Variants in KIAA1671 observed in about 807,000 individuals in gnomAD.
The protein encoded by KIAA1671 is uncharacterized protein KIAA1671.
Under a neutral mutation model 131.2 loss-of-function variants are expected in KIAA1671, and 52 were observed. The observed-to-expected ratio is 0.40, with a 90% confidence interval of 0.32 to 0.50. The LOEUF (loss-of-function observed/expected upper bound fraction) is 0.50. Among genes scored for constraint, KIAA1671 ranks in the 20% least tolerant of loss-of-function variants. The pLI is 0.73. For synonymous variants in KIAA1671, 1,003 were observed against 961.6 expected (o/e 1.04, Z -0.80); for missense variants, 2,360 against 2,364.2 (o/e 1.00, Z 0.04).
intron 1 of KIAA1671, among the ~76,000 whole-genome samples, chr22:25,009,215 G>T (rs938206596): frequency 2.0e-4 from 22 of 110,194 alleles, no homozygotes; most frequent in Non-Finnish European, 3.5e-4. Context: ...AGGGGATGTT[G>T]TTTGGTGTTT....
intron 9 of KIAA1671, chr22:25,179,234 A>G: frequency 6.9e-7 from 1 of 1,448,854 alleles, no homozygotes; most frequent in East Asian, 2.5e-5. Flanking sequence ...AGTTGCATCT[A>G]GACAGAGGTG....
At chr22:25,032,560 G>A in intron 3 of KIAA1671, 49 bp from the exon 4 acceptor site, 1 of 1,215,152 alleles carries the variant, frequency 8.2e-7, no homozygotes, top group Non-Finnish European at 1.2e-6. Flanking sequence ...TGGGCTGGGG[G>A]GAATAACAGC....
At chr22:25,061,913 C>A (rs1384708776) in intron 6 of KIAA1671, 1 of 152,328 alleles carries the variant, frequency 6.6e-6, no homozygotes, top group Non-Finnish European at 1.5e-5. Flanking sequence ...GCACGGTTTG[C>A]TCCTTCTCCA....
At chr22:25,060,635 G>A (rs1205027867) in intron 6 of KIAA1671, 3 of 152,196 alleles carry the variant, frequency 2.0e-5, no homozygotes, top group African/African-American at 7.2e-5. Flanking sequence ...GAAACTGAGG[G>A]TTGGCAAAAC....
intron 6 of KIAA1671, among the ~76,000 whole-genome samples, chr22:25,127,957 A>G (rs894322541): frequency 5.3e-5 from 8 of 152,152 alleles, no homozygotes; most frequent in African/African-American, 1.9e-4. Flanking sequence ...GGGGTGGAGG[A>G]GGAGACAACA....
chr22:24,980,386 C>T (rs1682195551), intron 1 of KIAA1671, among the ~76,000 whole-genome samples: 1 of 151,636 alleles, frequency 6.6e-6, no homozygotes, highest in South Asian at 2.1e-4. Flanking sequence ...ATTCTCCTGC[C>T]TTAGCCTCCT....
rs190498643 is a variant in KIAA1671 at position 24,954,722 on chromosome 22, G to C, written c.-208+1950G>C. The stretch of plus-strand genomic sequence containing the variant: ...ACCCTAGGTTCAGAGGCTGGAAGCT[G>C]CCCCTACCCCCACTGGAGGTCCTAG... On this transcript the variant is annotated intron_variant, in intron 1 of 12. Transcript: ENST00000358431. Among the ~76,000 whole-genome samples the C allele has an allele frequency of 2.3e-3, 351 of 152,252 alleles. 1 individual carries two copies. Among genetic ancestry groups the C allele is most frequent in the African/African-American group, 8.1e-3 (336 of 41,542 alleles).
At position 25,049,335 on chromosome 22, in the gene KIAA1671, T is replaced by C. The variant is rs1211695037; in HGVS notation, c.4501T>C (p.Cys1501Arg). ...ASVPWRSHSF[C>R]KDRRSGPFVD... ...GGTTCCCTGGAGAAGCCACAGCTTC[T>C]GCAAAGACAGGAGGAGTGGGCCCTT... is the stretch of plus-strand genomic sequence containing the variant. Residue 1501 changes from cysteine (C) to arginine (R), a missense_variant, in exon 6 of 13, where the codon TGC (cysteine) becomes CGC (arginine). Physicochemically the swap from Cys to Arg is radical, Grantham distance 180. Coordinates refer to ENST00000358431, the MANE Select transcript of KIAA1671 (RefSeq NM_001145206.2). The C allele has an allele frequency of 1.9e-6, 3 of 1,551,468 alleles. No individual in the cohort carries two copies. Among genetic ancestry groups the C allele is most frequent in the East Asian group, 2.4e-5 (1 of 40,920 alleles).
At chr22:25,118,159 A>C (rs1931771139) in intron 6 of KIAA1671, among the ~76,000 whole-genome samples, 1 of 121,810 alleles carries the variant, frequency 8.2e-6, no homozygotes, top group African/African-American at 3.4e-5. Context: ...AAAAAAAAAA[A>C]AATGTCAGCA....
chr22:25,015,701 T>C (rs117642176), intron 1 of KIAA1671, among the ~76,000 whole-genome samples: 3,416 of 149,724 alleles, frequency 0.023, 63 homozygotes, highest in South Asian at 0.076. Flanking sequence ...TCACAGTCTT[T>C]TAATATACCA....
intron 1 of KIAA1671, among the ~76,000 whole-genome samples, chr22:24,987,205 C>T (rs895192508): frequency 5.3e-5 from 8 of 150,530 alleles, no homozygotes; most frequent in Non-Finnish European, 8.9e-5. Flanking sequence ...GAGTCTCGCC[C>T]TGTTGCCCAG....
At chr22:25,192,251 C>CT (rs1439832016) in intron 12 of KIAA1671, among the ~76,000 whole-genome samples, 155 bp from the exon 13 acceptor site, 4 of 152,076 alleles carry the variant, frequency 2.6e-5, no homozygotes, top group African/African-American at 9.7e-5. Context: ...CTCACCTCCC[C>CT]TTTCCACCCA....
rs566727198 is a variant in KIAA1671 at position 25,178,990 on chromosome 22, G to A, written c.5074+1468G>A. Among the ~76,000 whole-genome samples, 520 of 152,334 alleles carry A rather than the reference G, an allele frequency of 3.4e-3. 7 individuals carry two copies. Among genetic ancestry groups the A allele is most frequent in the Admixed American group, 0.018 (279 of 15,306 alleles). On this transcript the variant is annotated intron_variant, in intron 9 of 12. Coordinates refer to ENST00000358431, the MANE Select transcript of KIAA1671 (RefSeq NM_001145206.2). Reference sequence around the variant, plus strand: ...ACCAGACAGCCCAGCGTAAGGACCCGCGATCCCACGCCACCGCCCTGGGTT... The same window carrying A: ...ACCAGACAGCCCAGCGTAAGGACCCACGATCCCACGCCACCGCCCTGGGTT...
chr22:24,961,458 G>A (rs1022010283), intron 1 of KIAA1671, among the ~76,000 whole-genome samples: 2 of 152,204 alleles, frequency 1.3e-5, no homozygotes, highest in Non-Finnish European at 2.9e-5. Flanking sequence ...GCCTTTAACA[G>A]CAAACATTTG....
chr22:25,058,420 T>C lies in KIAA1671; in HGVS notation c.4530+9056T>C, dbSNP rs373736554. ...TTTTAATGTTACGTCCCATCCAGGA[T>C]GTAGTATCAGACTTTTCTTTGTTTT... On this transcript the variant is annotated intron_variant, in intron 6 of 12. Transcript: ENST00000358431. 2.0e-5 allele frequency: 3 copies of C among 152,226 alleles called. No homozygotes were observed. The South Asian group carries it at 6.2e-4, about 32-fold the overall frequency. The allele number at this position is 152,226 out of a possible 1,614,324, so 9.4% of individuals were successfully genotyped here.
chr22:25,154,374 A>C (rs1013051602), intron 6 of KIAA1671, among the ~76,000 whole-genome samples: 1 of 152,206 alleles, frequency 6.6e-6, no homozygotes, highest in African/African-American at 2.4e-5. Flanking sequence ...TCACTTGCTC[A>C]TTCCTCCTCA....
At chr22:24,953,263 G>C (rs1253212648) in intron 1 of KIAA1671, among the ~76,000 whole-genome samples, 1 of 152,194 alleles carries the variant, frequency 6.6e-6, no homozygotes, top group Admixed American at 6.5e-5. Flanking sequence ...TAGGAGCTGA[G>C]GGATCGCTGG....
chr22:25,144,657 G>A (rs1932850860), intron 6 of KIAA1671, among the ~76,000 whole-genome samples: 1 of 152,218 alleles, frequency 6.6e-6, no homozygotes, highest in South Asian at 2.1e-4. Context: ...AGGCTTTACA[G>A]CAACTGAGTG....
At chr22:25,068,193 C>CGGCTTTCCG (rs1469162925) in intron 6 of KIAA1671, among the ~76,000 whole-genome samples, 1 of 148,470 alleles carries the variant, frequency 6.7e-6, no homozygotes, top group South Asian at 2.3e-4. Context: ...GGAGCAGGGC[C>CGGCTTTCCG]AGCCTTCCGA....
Sources: allele counts gnomAD v4.1 joint callset (sites outside exome capture counted in the v4.1 genomes callset), GRCh38; gene constraint gnomAD v4.1.1; transcripts MANE v1.5; gene names NCBI Gene and HGNC (gene_info 2026-07-23, HGNC 2026-07-21).